Variants in R3HDM2 observed in about 807,000 individuals in gnomAD.
R3HDM2 encodes the protein R3H domain-containing protein 2.
A neutral mutation model predicts 124.5 loss-of-function variants in R3HDM2; 38 were observed. That is an observed-to-expected ratio of 0.31 (90% CI 0.24 to 0.40). The LOEUF is 0.40. Ranked by LOEUF, R3HDM2 falls within the 10% of genes least tolerant of loss-of-function variation. The pLI is 1.00. For missense variants in R3HDM2, 869 were observed against 1,236.9 expected (o/e 0.70, Z 4.46); for synonymous variants, 391 against 448.0 (o/e 0.87, Z 1.61).
chr12:57,413,914 C>G (rs1472724539), intron 1 of R3HDM2, among the ~76,000 whole-genome samples: 1 of 141,848 alleles, frequency 7.0e-6, no homozygotes, highest in Non-Finnish European at 1.5e-5. Context: ...GGCACGGTCT[C>G]AGCTCACTGC....
intron 2 of R3HDM2, among the ~76,000 whole-genome samples, chr12:57,356,760 T>C (rs2061342789): frequency 6.6e-6 from 1 of 152,384 alleles, no homozygotes; most frequent in East Asian, 1.9e-4. Context: ...GTTATGTTTC[T>C]TTTTGAATGA....
chr12:57,360,006 A>AATAAATAAATAAATATATAT (rs1403496780), intron 2 of R3HDM2, among the ~76,000 whole-genome samples: 8 of 117,690 alleles, frequency 6.8e-5, no homozygotes, highest in African/African-American at 2.4e-4. Context: ...TAAATAAATA[A>AATAAATAAATAAATATATAT]ATATATATAT....
At chr12:57,385,272 T>C (rs1237424835) in intron 2 of R3HDM2, among the ~76,000 whole-genome samples, 4 of 148,254 alleles carry the variant, frequency 2.7e-5, no homozygotes, top group African/African-American at 9.9e-5. Flanking sequence ...AGACGGAGTC[T>C]CACTCTGTCG....
At chr12:57,386,149 G>T (rs940015419) in intron 2 of R3HDM2, among the ~76,000 whole-genome samples, 1 of 117,330 alleles carries the variant, frequency 8.5e-6, no homozygotes, top group African/African-American at 2.8e-5. Context: ...ACAGCGTGCT[G>T]GCAGCGCTCG....
rs2043112972 is a variant in R3HDM2, at chr12:57,269,366, G to A, written c.1671C>T (p.Ser557=). The part of the protein sequence containing the change: ...YRPLSHPVAY[S]PQRGQQLPQP... ...GAGGCAGCTGCTGACCACGTTGGGG[G>A]CTATAGGCCACCGGGTGAGAGAGAG... is the stretch of plus-strand genomic sequence containing the variant. The change falls in exon 16 of 24, where the codon AGC becomes AGT. Residue 557 remains serine, a synonymous_variant. Coordinates refer to ENST00000402412, the MANE Select transcript of R3HDM2 (RefSeq NM_001394031.1). The A allele has an allele frequency of 1.2e-6, 2 of 1,614,130 alleles. No individual in the cohort carries two copies. The highest frequency in any genetic ancestry group is 1.7e-6 in the Non-Finnish European group (2 of 1,180,020).
chr12:57,333,575 C>T (rs2058472491), intron 2 of R3HDM2, among the ~76,000 whole-genome samples: 1 of 151,872 alleles, frequency 6.6e-6, no homozygotes, highest in Non-Finnish European at 1.5e-5. Context: ...GCCTGTAATC[C>T]CAGCTACTTT....
intron 3 of R3HDM2, among the ~76,000 whole-genome samples, chr12:57,306,657 C>A (rs1171686384): frequency 6.6e-6 from 1 of 152,104 alleles, no homozygotes; most frequent in Non-Finnish European, 1.5e-5. Context: ...GACCACTCAC[C>A]TTGGCCTCCC....
chr12:57,310,261 T>C lies in R3HDM2; in HGVS notation c.165+3A>G. The C allele has an allele frequency of 6.6e-7, 1 of 1,524,160 alleles. No individual in the cohort carries two copies. Among genetic ancestry groups the C allele is most frequent in the Non-Finnish European group, 8.8e-7 (1 of 1,135,846 alleles). The allele number at this position is 1,524,160 out of a possible 1,614,324, so 94.4% of individuals were successfully genotyped here. A position where few individuals can be genotyped will look rare whatever the true frequency, so the allele number is the denominator to read the frequency against. On this transcript the variant is annotated splice_donor_region_variant and intron_variant, in intron 3 of 23. Coordinates refer to ENST00000402412, the MANE Select transcript of R3HDM2 (RefSeq NM_001394031.1). ...GTGCATACAATGCATTTCCAATCGT[T>C]ACCTGTGTCTCCTGACGCAAACTGG... is the stretch of plus-strand genomic sequence containing the variant.
rs551485048 is a variant in R3HDM2 at position 57,324,462 on chromosome 12, C to A, written c.-35-13999G>T. On this transcript the variant is annotated intron_variant, in intron 2 of 23. Transcript: ENST00000402412. ...CCTCCCAAAGTGCTGGGATTACAGG[C>A]GTAAGCCACTGCGCCTGGCTGACAA... is the stretch of plus-strand genomic sequence containing the variant. 2.6e-5 allele frequency among the ~76,000 whole-genome samples: 4 copies of A among 152,278 alleles called. No individual in the cohort carries two copies. In the South Asian group the frequency reaches 6.2e-4, roughly 24 times the overall value.
At chr12:57,378,782 A>G (rs2064428631) in intron 2 of R3HDM2, among the ~76,000 whole-genome samples, 2 of 152,238 alleles carry the variant, frequency 1.3e-5, no homozygotes, top group African/African-American at 4.8e-5. Context: ...TTGTACATCC[A>G]TGTTCATAGC....
intron 19 of R3HDM2, among the ~76,000 whole-genome samples, chr12:57,263,537 C>T (rs537852607): frequency 3.3e-5 from 5 of 152,212 alleles, no homozygotes; most frequent in African/African-American, 1.2e-4. Context: ...GGCGCAATCT[C>T]GGCTCACTGC....
chr12:57,414,333 A>G (rs2069329859), intron 1 of R3HDM2, among the ~76,000 whole-genome samples: 1 of 149,322 alleles, frequency 6.7e-6, no homozygotes, highest in African/African-American at 2.5e-5. Flanking sequence ...TAAAAATACA[A>G]TAATTAGTCT....
At chr12:57,368,806 T>C (rs542156079) in intron 2 of R3HDM2, among the ~76,000 whole-genome samples, 81 of 152,300 alleles carry the variant, frequency 5.3e-4, no homozygotes, top group African/African-American at 1.9e-3. Flanking sequence ...ATAATAGCTT[T>C]AGTGAGTTCT....
intron 2 of R3HDM2, among the ~76,000 whole-genome samples, chr12:57,355,375 C>T (rs1441394233): frequency 1.4e-5 from 2 of 148,070 alleles, no homozygotes; most frequent in Non-Finnish European, 3.0e-5. Flanking sequence ...AGGAGAATGG[C>T]GTGAACCCGA....
At chr12:57,414,779 G>A (rs2069401843) in intron 1 of R3HDM2, among the ~76,000 whole-genome samples, 1 of 151,228 alleles carries the variant, frequency 6.6e-6, no homozygotes, top group African/African-American at 2.4e-5. Context: ...GTTGCAGTGA[G>A]CCAACATCAC....
chr12:57,299,555 G>A, intron 5 of R3HDM2, 77 bp from the exon 6 acceptor site: 2 of 1,403,328 alleles, frequency 1.4e-6, no homozygotes, highest in Non-Finnish European at 9.7e-7. Flanking sequence ...CTCAAAGAAG[G>A]TAAATCTTGG....
At chr12:57,357,976 C>CT (rs1383034633) in intron 2 of R3HDM2, among the ~76,000 whole-genome samples, 1 of 148,790 alleles carries the variant, frequency 6.7e-6, no homozygotes, top group Admixed American at 6.7e-5. Flanking sequence ...TTACTCATTT[C>CT]TTTTTTTCTT....
chr12:57,382,750 G>C (rs1318267810), intron 2 of R3HDM2, among the ~76,000 whole-genome samples: 3 of 151,508 alleles, frequency 2.0e-5, no homozygotes, highest in Non-Finnish European at 4.4e-5. Context: ...GCAGGAGAAT[G>C]GCTTGAACCC....
At chr12:57,331,256 A>T (rs894228310) in intron 2 of R3HDM2, among the ~76,000 whole-genome samples, 10 of 152,088 alleles carry the variant, frequency 6.6e-5, no homozygotes, top group Non-Finnish European at 1.5e-4. Flanking sequence ...CTTTGCTCAA[A>T]ATCCCCCAAT....
Sources: gnomAD v4.1 joint callset for allele counts (sites outside exome capture counted in the v4.1 genomes callset) on GRCh38, gnomAD v4.1.1 for gene constraint, MANE v1.5 for transcripts, NCBI Gene and HGNC (gene_info 2026-07-23, HGNC 2026-07-21) for gene names.